RBPMS: variants seen among roughly 807,000 people sequenced by gnomAD.
The protein encoded by RBPMS is RNA-binding protein with multiple splicing.
A neutral mutation model predicts 26.8 loss-of-function variants in RBPMS; 7 were observed. The observed-to-expected ratio is 0.26, with a 90% CI of 0.15 to 0.49. The LOEUF is 0.49. RBPMS is among the 20% of genes least tolerant of loss of function. The pLI is 0.98. For missense variants in RBPMS, 186 were observed against 250.0 expected (o/e 0.74, Z 1.73); for synonymous variants, 96 against 93.3 (o/e 1.03, Z -0.17).
At chr8:30,519,151 G>C (rs1312421796) in intron 5 of RBPMS, among the ~76,000 whole-genome samples, 1 of 152,176 alleles carries the variant, frequency 6.6e-6, no homozygotes, top group African/African-American at 2.4e-5. Flanking sequence ...CAATACAGAA[G>C]AGATTGGTGT....
chr8:30,518,550 C>T (rs182212790), intron 5 of RBPMS, among the ~76,000 whole-genome samples: 19 of 151,834 alleles, frequency 1.3e-4, no homozygotes, highest in African/African-American at 3.9e-4. Flanking sequence ...CTCAGCCTCC[C>T]GAGTAGCTGG....
At chr8:30,525,811 T>C (rs1370216912) in intron 5 of RBPMS, among the ~76,000 whole-genome samples, 1 of 152,194 alleles carries the variant, frequency 6.6e-6, no homozygotes, top group Non-Finnish European at 1.5e-5. Flanking sequence ...TCTCTGCAGG[T>C]TGCAGCTCCT....
chr8:30,493,246 T>C lies in RBPMS; in HGVS notation c.247-11040T>C, dbSNP rs186013434. 1.2e-4 allele frequency among the ~76,000 whole-genome samples: 19 copies of C among 152,252 alleles called. No homozygotes were observed. In the East Asian group the frequency reaches 3.3e-3, roughly 26 times the overall value. On this transcript the variant is annotated intron_variant, in intron 4 of 8. Transcript: ENST00000397323. Reference sequence around the variant, plus strand: ...TATCAGAGTTGAAAATTTAACTGAATTGAGAGCTATTGCCTAGGATCTGCT... The same window carrying C: ...TATCAGAGTTGAAAATTTAACTGAACTGAGAGCTATTGCCTAGGATCTGCT...
chr8:30,428,689 C>G (rs963884448), intron 1 of RBPMS, among the ~76,000 whole-genome samples: 26 of 151,996 alleles, frequency 1.7e-4, no homozygotes, highest in Non-Finnish European at 5.9e-5. Flanking sequence ...ACTCTATAAT[C>G]TACTGTTCAT....
chr8:30,560,551 T>A (rs1827374782), intron 7 of RBPMS, among the ~76,000 whole-genome samples: 1 of 152,170 alleles, frequency 6.6e-6, no homozygotes, highest in Admixed American at 6.5e-5. Context: ...CTACTCTTCC[T>A]CTAACCCAAT....
At chr8:30,529,836 C>T (rs1310115742) in intron 5 of RBPMS, among the ~76,000 whole-genome samples, 1 of 151,526 alleles carries the variant, frequency 6.6e-6, no homozygotes, top group Admixed American at 6.6e-5. Context: ...TCACCGCATC[C>T]TTTGCTTTCC....
At chr8:30,428,312 C>T (rs1445026011) in intron 1 of RBPMS, among the ~76,000 whole-genome samples, 1 of 151,918 alleles carries the variant, frequency 6.6e-6, no homozygotes, top group Admixed American at 6.6e-5. Flanking sequence ...TGAGCCACTG[C>T]ACCTGGCCAT....
intron 6 of RBPMS, among the ~76,000 whole-genome samples, chr8:30,546,284 A>G (rs1309989753): frequency 2.0e-5 from 3 of 152,206 alleles, no homozygotes; most frequent in African/African-American, 7.2e-5. Flanking sequence ...CTGAATAGCC[A>G]TGGCTTTGGT....
intron 1 of RBPMS, among the ~76,000 whole-genome samples, chr8:30,473,245 G>T (rs1308385134): frequency 6.6e-6 from 1 of 151,988 alleles, no homozygotes; most frequent in African/African-American, 2.4e-5. Context: ...CACTGCCTTG[G>T]TGAATCCTTT....
chr8:30,504,837 G>T (rs1046629175), intron 5 of RBPMS, among the ~76,000 whole-genome samples: 3 of 152,036 alleles, frequency 2.0e-5, no homozygotes, highest in Non-Finnish European at 4.4e-5. Flanking sequence ...GGAAAAATAG[G>T]ATATTAAAAG....
At chr8:30,481,902 TG>T (rs1818323489) in intron 4 of RBPMS, among the ~76,000 whole-genome samples, 1 of 152,242 alleles carries the variant, frequency 6.6e-6, no homozygotes, top group African/African-American at 2.4e-5. Context: ...TAAGTCAGCA[TG>T]TGTAAGTTTA....
chr8:30,472,679 T>C (rs774879144), intron 1 of RBPMS, among the ~76,000 whole-genome samples: 22 of 152,258 alleles, frequency 1.4e-4, no homozygotes, highest in Non-Finnish European at 3.1e-4. Context: ...CATACTTACA[T>C]GCAAATGGCA....
chr8:30,562,528 C>G lies in RBPMS; in HGVS notation c.*7+3572C>G, dbSNP rs185289563. On this transcript the variant is annotated intron_variant, in intron 7 of 8. Coordinates refer to ENST00000397323, the MANE Select transcript of RBPMS (RefSeq NM_001008710.3). Reference sequence around the variant, plus strand: ...CATCTAAAGTTAGACTAGCTCAGTGCGGATCTATTATTTCAGCTCCTTCTA... The same window carrying G: ...CATCTAAAGTTAGACTAGCTCAGTGGGGATCTATTATTTCAGCTCCTTCTA... Among the ~76,000 whole-genome samples, 8 of 152,216 alleles carry G rather than the reference C, an allele frequency of 5.3e-5. No individual in the cohort carries two copies. In the South Asian group the frequency reaches 1.2e-3, roughly 24 times the overall value.
chr8:30,516,481 C>T (rs193288558), intron 5 of RBPMS, among the ~76,000 whole-genome samples: 69 of 152,242 alleles, frequency 4.5e-4, no homozygotes, highest in Non-Finnish European at 8.1e-4. Context: ...GACTAGCCCA[C>T]GAGTAACTGG....
intron 6 of RBPMS, 37 bp downstream of exon 6, chr8:30,544,661 C>T (rs752836917): frequency 6.2e-7 from 1 of 1,612,266 alleles, no homozygotes; most frequent in South Asian, 1.1e-5. Flanking sequence ...TCACTCACTT[C>T]ACCACCAGTC....
intron 4 of RBPMS, among the ~76,000 whole-genome samples, chr8:30,495,173 T>C (rs1018541380): frequency 6.6e-6 from 1 of 152,140 alleles, no homozygotes; most frequent in African/African-American, 2.4e-5. Context: ...GTGGAAACAT[T>C]CTAGACTAGA....
intron 4 of RBPMS, among the ~76,000 whole-genome samples, chr8:30,503,221 T>A (rs1820739236): frequency 6.6e-6 from 1 of 152,184 alleles, no homozygotes; most frequent in South Asian, 2.1e-4. Flanking sequence ...TTGTTCATCC[T>A]GGTCTCTAGA....
chr8:30,425,586 G>C (rs564112914), intron 1 of RBPMS, among the ~76,000 whole-genome samples: 3 of 151,990 alleles, frequency 2.0e-5, no homozygotes, highest in African/African-American at 7.3e-5. Context: ...TTTTAGTAGA[G>C]ACGGGGTTTC....
At chr8:30,410,168 A>ACACG (rs1167254342) in intron 1 of RBPMS, among the ~76,000 whole-genome samples, 4 of 151,298 alleles carry the variant, frequency 2.6e-5, no homozygotes, top group Non-Finnish European at 5.9e-5. Context: ...ACACACACAC[A>ACACG]CACACACACA....
Sources: allele counts gnomAD v4.1 joint callset (sites outside exome capture counted in the v4.1 genomes callset), GRCh38; gene constraint gnomAD v4.1.1; transcripts MANE v1.5; gene names NCBI Gene and HGNC (gene_info 2026-07-23, HGNC 2026-07-21).